SLCO5A1: variants seen among roughly 807,000 people sequenced by gnomAD.
SLCO5A1 encodes the protein solute carrier organic anion transporter family member 5A1.
Under a neutral mutation model 65.1 loss-of-function variants are expected in SLCO5A1, and 39 were observed. The observed-to-expected ratio is 0.60, with a 90% confidence interval of 0.46 to 0.78. The LOEUF is 0.78. Ranked by LOEUF, SLCO5A1 falls within the 30% of genes least tolerant of loss-of-function variation. The pLI, the probability that SLCO5A1 is intolerant of heterozygous loss-of-function variation, is 0.00. For synonymous variants in SLCO5A1, 438 were observed against 415.7 expected (o/e 1.05, Z -0.65); for missense variants, 1,029 against 1,069.4 (o/e 0.96, Z 0.53).
At chr8:69,829,401 T>C (rs893062809) in intron 2 of SLCO5A1, among the ~76,000 whole-genome samples, 1 of 152,188 alleles carries the variant, frequency 6.6e-6, no homozygotes, top group Non-Finnish European at 1.5e-5. Context: ...TGAGGCACAG[T>C]TCTGGATTAT....
chr8:69,691,080 A>G (rs373086960), intron 6 of SLCO5A1, among the ~76,000 whole-genome samples: 1 of 152,242 alleles, frequency 6.6e-6, no homozygotes, highest in Non-Finnish European at 1.5e-5. Context: ...TATGTAAAGC[A>G]TCACTTAACC....
chr8:69,825,449 A>G (rs1390034246), intron 2 of SLCO5A1, among the ~76,000 whole-genome samples: 1 of 152,246 alleles, frequency 6.6e-6, no homozygotes, highest in African/African-American at 2.4e-5. Flanking sequence ...TACAAAATCA[A>G]TGTACAAAAA....
chr8:69,705,681 A>G (rs530153311), intron 5 of SLCO5A1, among the ~76,000 whole-genome samples: 5 of 152,358 alleles, frequency 3.3e-5, no homozygotes, highest in Admixed American at 6.5e-5. Context: ...AACATTCCAC[A>G]TGTACCTCAT....
chr8:69,826,142 A>C (rs1201551005), intron 2 of SLCO5A1, among the ~76,000 whole-genome samples: 1 of 152,250 alleles, frequency 6.6e-6, no homozygotes, highest in African/African-American at 2.4e-5. Flanking sequence ...AGATGGATTA[A>C]AGACTTATAT....
Position 69,679,372 on chromosome 8 carries a change from T to C in SLCO5A1, c.2024+6A>G, listed in dbSNP as rs1363746414. On this transcript the variant is annotated splice_donor_region_variant and intron_variant, in intron 8 of 9. Coordinates refer to ENST00000260126, the MANE Select transcript of SLCO5A1 (RefSeq NM_030958.3). ...ACCCACCCCAGAAGTTGAATGCTGTTCTCACCTGAGTGTTACTATGATAGC... is the reference window on the plus strand; with the variant it reads ...ACCCACCCCAGAAGTTGAATGCTGTCCTCACCTGAGTGTTACTATGATAGC... 1.9e-6 allele frequency: 3 copies of C among 1,614,084 alleles called. No individual in the cohort carries two copies. The highest frequency in any genetic ancestry group is 3.3e-5 in the Admixed American group (2 of 60,010).
At position 69,667,183 on chromosome 8, in the gene SLCO5A1, T is replaced by C. The variant is rs1041837627; in HGVS notation, c.*5686A>G. 3.3e-5 allele frequency: 5 copies of C among 152,164 alleles called. No homozygotes were observed. Among genetic ancestry groups the C allele is most frequent in the Non-Finnish European group, 5.9e-5 (4 of 68,026 alleles). The allele number at this position is 152,164 out of a possible 1,614,324, so 9.4% of individuals were successfully genotyped here. A position where few individuals can be genotyped will look rare whatever the true frequency, so the allele number is the denominator to read the frequency against. ...ACACGGAAATTATACATCTTTTAAATTACCTTAAAAAGTCTCCAAATGAAT... is the reference window on the plus strand; with the variant it reads ...ACACGGAAATTATACATCTTTTAAACTACCTTAAAAAGTCTCCAAATGAAT... On this transcript the variant is annotated 3_prime_UTR_variant, in exon 10 of 10. Transcript: ENST00000260126.
chr8:69,743,723 T>G (rs1343289934), intron 4 of SLCO5A1, among the ~76,000 whole-genome samples: 1 of 152,164 alleles, frequency 6.6e-6, no homozygotes, highest in African/African-American at 2.4e-5. Flanking sequence ...CCATAGGACC[T>G]GATATCCCCA....
intron 2 of SLCO5A1, among the ~76,000 whole-genome samples, chr8:69,805,935 C>T (rs977830226): frequency 2.6e-5 from 4 of 152,218 alleles, no homozygotes; most frequent in Non-Finnish European, 5.9e-5. Flanking sequence ...AAAGGAAACT[C>T]TTGTTTCTCA....
chr8:69,784,811 A>AAAAAAAAGAAAGAAAG (rs1554620802), intron 2 of SLCO5A1, among the ~76,000 whole-genome samples: 2 of 70,930 alleles, frequency 2.8e-5, no homozygotes, highest in Admixed American at 1.6e-4. Context: ...GAAAGAAAGA[A>AAAAAAAAGAAAGAAAG]AAAGAAAGAA....
chr8:69,694,802 A>G (rs1485183474), intron 6 of SLCO5A1, among the ~76,000 whole-genome samples: 3 of 152,260 alleles, frequency 2.0e-5, no homozygotes, highest in Admixed American at 6.5e-5. Context: ...CTTTAAAGTC[A>G]GACTGCAAAT....
chr8:69,763,348 C>T (rs556029035), intron 2 of SLCO5A1, among the ~76,000 whole-genome samples: 3 of 150,340 alleles, frequency 2.0e-5, no homozygotes, highest in Admixed American at 2.0e-4. Flanking sequence ...GGCGCAGTGG[C>T]TCATGCCTAT....
At chr8:69,682,442 T>A (rs1446531324) in intron 6 of SLCO5A1, 99 bp from the exon 7 acceptor site, 2 of 1,218,068 alleles carry the variant, frequency 1.6e-6, no homozygotes, top group African/African-American at 3.2e-5. Flanking sequence ...AGAGAAAATA[T>A]TCTTCCCATT....
At chr8:69,793,546 C>T (rs1404954757) in intron 2 of SLCO5A1, among the ~76,000 whole-genome samples, 1 of 151,898 alleles carries the variant, frequency 6.6e-6, no homozygotes, top group African/African-American at 2.4e-5. Flanking sequence ...GATGGATCAG[C>T]CTTGGCCTAT....
rs188981042 is a variant in SLCO5A1, at chr8:69,736,768, T to C, written c.1423+1272A>G. Among the ~76,000 whole-genome samples the C allele has an allele frequency of 8.9e-4, 136 of 152,330 alleles. 3 individuals are homozygous for C. Among genetic ancestry groups the C allele is most frequent in the African/African-American group, 3.0e-3 (125 of 41,594 alleles). The stretch of plus-strand genomic sequence containing the variant: ...ATTTTATTATGAACTGTCTTCCCAC[T>C]AACACCTTTGAATATTGAAACTTAG... On this transcript the variant is annotated intron_variant, in intron 5 of 9. Coordinates refer to ENST00000260126, the MANE Select transcript of SLCO5A1 (RefSeq NM_030958.3).
At chr8:69,814,346 A>G (rs773004367) in intron 2 of SLCO5A1, among the ~76,000 whole-genome samples, 19 of 152,232 alleles carry the variant, frequency 1.2e-4, no homozygotes, top group Non-Finnish European at 2.1e-4. Context: ...AAATTCAATT[A>G]AAAAATAGGC....
At chr8:69,736,147 A>T (rs113140931) in intron 5 of SLCO5A1, among the ~76,000 whole-genome samples, 4,489 of 152,328 alleles carry the variant, frequency 0.029, 161 homozygotes, top group African/African-American at 0.086. Context: ...ACATTGGAGC[A>T]TGGGATGAAC....
At position 69,809,442 on chromosome 8, in the gene SLCO5A1, A is replaced by T. The variant is rs956957032; in HGVS notation, c.907+22325T>A. Among the ~76,000 whole-genome samples the T allele has an allele frequency of 2.0e-5, 3 of 152,202 alleles. No individual in the cohort carries two copies. The East Asian group carries it at 5.8e-4, about 29-fold the overall frequency. On this transcript the variant is annotated intron_variant, in intron 2 of 9. Transcript: ENST00000260126. ...AATACAATTGCCAATGAAATGTGCA[A>T]ATGTTTTGTATGGCACCTAAATTTT...
chr8:69,711,976 T>C (rs774069141), intron 5 of SLCO5A1, among the ~76,000 whole-genome samples: 1 of 152,252 alleles, frequency 6.6e-6, no homozygotes, highest in African/African-American at 2.4e-5. Context: ...ATTTAATCTA[T>C]AGAATTGAAT....
intron 5 of SLCO5A1, among the ~76,000 whole-genome samples, chr8:69,706,048 A>G (rs1296191674): frequency 6.6e-6 from 1 of 152,246 alleles, no homozygotes; most frequent in Non-Finnish European, 1.5e-5. Flanking sequence ...CCATTAATAA[A>G]TATATCATAT....
Sources: gnomAD v4.1 joint callset for allele counts (sites outside exome capture counted in the v4.1 genomes callset) on GRCh38, gnomAD v4.1.1 for gene constraint, MANE v1.5 for transcripts, NCBI Gene and HGNC (gene_info 2026-07-23, HGNC 2026-07-21) for gene names.